Variants in EML4 observed in about 807,000 individuals in gnomAD.
EML4 encodes echinoderm microtubule-associated protein-like 4.
A neutral mutation model predicts 129.0 loss-of-function variants in EML4; 72 were observed. That is an observed-to-expected ratio of 0.56 (90% confidence interval 0.46 to 0.68). The LOEUF (loss-of-function observed/expected upper bound fraction) is 0.68, where lower values mean the gene tolerates loss of function less well. EML4 is among the 30% of genes least tolerant of loss of function. EML4 has a pLI of 0.00. For missense variants in EML4, 1,363 were observed against 1,190.6 expected (o/e 1.14, Z -2.13); for synonymous variants, 532 against 405.0 (o/e 1.31, Z -3.77).
At chr2:42,329,114 A>G (rs1006385282) in intron 22 of EML4, 98 bp downstream of exon 22, 6 of 1,246,904 alleles carry the variant, frequency 4.8e-6, no homozygotes, top group African/African-American at 1.5e-5. Flanking sequence ...ATTCCTCTCC[A>G]TGATACTCCA....
intron 1 of EML4, among the ~76,000 whole-genome samples, chr2:42,180,122 A>G (rs766576994): frequency 6.6e-5 from 10 of 152,312 alleles, no homozygotes; most frequent in Non-Finnish European, 1.5e-4. Context: ...AAATTGTATG[A>G]ACTTTGCATT....
chr2:42,177,681 A>G (rs6717854), intron 1 of EML4, among the ~76,000 whole-genome samples: 58,866 of 152,018 alleles, frequency 0.39, 12,059 homozygotes, highest in Middle Eastern at 0.56. Flanking sequence ...TTCACCTGAA[A>G]TAAGTGAAAT....
intron 16 of EML4, among the ~76,000 whole-genome samples, chr2:42,304,141 C>G (rs966533215): frequency 2.0e-5 from 3 of 152,134 alleles, no homozygotes; most frequent in Non-Finnish European, 4.4e-5. Flanking sequence ...TGTATTTTCT[C>G]TCTACCCAAC....
chr2:42,299,101 T>C (rs1420939063), intron 13 of EML4, among the ~76,000 whole-genome samples: 3 of 152,212 alleles, frequency 2.0e-5, no homozygotes, highest in Non-Finnish European at 4.4e-5. Flanking sequence ...ATGATAAATA[T>C]TGATGTAAGT....
At chr2:42,206,112 T>C (rs1178481690) in intron 1 of EML4, among the ~76,000 whole-genome samples, 2 of 152,242 alleles carry the variant, frequency 1.3e-5, no homozygotes, top group Non-Finnish European at 2.9e-5. Flanking sequence ...TACGACATTT[T>C]TAAATCTGTA....
At chr2:42,236,362 T>G (rs1374098471) in intron 1 of EML4, among the ~76,000 whole-genome samples, 1 of 152,248 alleles carries the variant, frequency 6.6e-6, no homozygotes, top group Non-Finnish European at 1.5e-5. Context: ...GTTTTTATGA[T>G]GAACTATGCT....
rs752025688 is a variant in EML4, at chr2:42,209,491, T to G, written c.26-36014T>G. 3.3e-5 allele frequency among the ~76,000 whole-genome samples: 5 copies of G among 152,354 alleles called. No individual in the cohort carries two copies. The East Asian group carries it at 9.6e-4, about 29-fold the overall frequency. ...TAATGTAACTAGTAGGTGGTGAAAC[T>G]TTGATCGGACCTTTGATTAAAAAGG... is the stretch of plus-strand genomic sequence containing the variant. On this transcript the variant is annotated intron_variant, in intron 1 of 22. Coordinates refer to ENST00000318522, the MANE Select transcript of EML4 (RefSeq NM_019063.5).
At chr2:42,292,805 C>G (rs968899514) in intron 11 of EML4, among the ~76,000 whole-genome samples, 5 of 152,118 alleles carry the variant, frequency 3.3e-5, no homozygotes, top group African/African-American at 1.2e-4. Flanking sequence ...TCCTGTAAGG[C>G]AATACTCATA....
intron 1 of EML4, among the ~76,000 whole-genome samples, chr2:42,234,824 T>G (rs942384269): frequency 2.6e-5 from 4 of 152,196 alleles, no homozygotes; most frequent in Non-Finnish European, 5.9e-5. Context: ...AAGCTTGACT[T>G]TTACTTTTGT....
At chr2:42,226,050 A>T (rs1258120444) in intron 1 of EML4, among the ~76,000 whole-genome samples, 4 of 152,050 alleles carry the variant, frequency 2.6e-5, no homozygotes, top group South Asian at 2.1e-4. Context: ...AAAATGTGTT[A>T]CTCATACCTT....
intron 19 of EML4, among the ~76,000 whole-genome samples, chr2:42,320,907 T>C (rs1669481884): frequency 6.6e-6 from 1 of 152,138 alleles, no homozygotes; most frequent in Non-Finnish European, 1.5e-5. Flanking sequence ...CAAGAAGTGC[T>C]GGTAAAAGTA....
chr2:42,305,071 G>T (rs1319971185), intron 17 of EML4, among the ~76,000 whole-genome samples: 1 of 152,034 alleles, frequency 6.6e-6, no homozygotes, highest in Non-Finnish European at 1.5e-5. Flanking sequence ...AGCCGAGATT[G>T]TGCCACTGCG....
chr2:42,303,490 C>G (rs779651950), intron 16 of EML4, 44 bp downstream of exon 16: 2 of 1,598,094 alleles, frequency 1.3e-6, no homozygotes, highest in Non-Finnish European at 1.7e-6. Context: ...CACAGAAACT[C>G]CTCACACTGG....
At chr2:42,189,595 A>T (rs964370178) in intron 1 of EML4, among the ~76,000 whole-genome samples, 1 of 152,164 alleles carries the variant, frequency 6.6e-6, no homozygotes, top group African/African-American at 2.4e-5. Flanking sequence ...AATGATAATA[A>T]AATTACTTTC....
At chr2:42,299,552 C>G (rs970441088) in intron 13 of EML4, among the ~76,000 whole-genome samples, 1 of 152,180 alleles carries the variant, frequency 6.6e-6, no homozygotes, top group Non-Finnish European at 1.5e-5. Flanking sequence ...TTTCTCCCTC[C>G]CCTCAGCCCC....
At chr2:42,288,489 A>G in intron 11 of EML4, 167 bp downstream of exon 11, 1 of 402,998 alleles carries the variant, frequency 2.5e-6, no homozygotes, top group Non-Finnish European at 4.5e-6. Flanking sequence ...AGATATTAAC[A>G]CTATAGTTAT....
rs571625714 is a variant in EML4, at chr2:42,228,560, A to G, written c.26-16945A>G. ...TTCAGAAGGTATAGCTTTGCTTGTA[A>G]TGTTTTATAGGCCTACATAGTGAGC... On this transcript the variant is annotated intron_variant, in intron 1 of 22. Transcript: ENST00000318522. Among the ~76,000 whole-genome samples, 9 of 152,338 alleles carry G rather than the reference A, an allele frequency of 5.9e-5. No individual in the cohort carries two copies. The East Asian group carries it at 9.6e-4, about 16-fold the overall frequency.
chr2:42,272,754 C>A (rs559015071), intron 6 of EML4, among the ~76,000 whole-genome samples: 1 of 152,148 alleles, frequency 6.6e-6, no homozygotes, highest in East Asian at 1.9e-4. Flanking sequence ...ACAATAAATA[C>A]GTATAAGATT....
rs187672858 is a variant in EML4, at chr2:42,266,490, G to A, written c.667+1759G>A. Among the ~76,000 whole-genome samples the A allele has an allele frequency of 3.1e-3, 473 of 152,090 alleles. 4 individuals carry two copies. Among genetic ancestry groups the A allele is most frequent in the African/African-American group, 9.4e-3 (391 of 41,484 alleles). On this transcript the variant is annotated intron_variant, in intron 6 of 22. Transcript: ENST00000318522. ...CTCCCAAGTAGCTGGGACTACAGGC[G>A]CGCACCACATACCTGGCTGATTTTT...
Sources: allele counts gnomAD v4.1 joint callset (sites outside exome capture counted in the v4.1 genomes callset), GRCh38; gene constraint gnomAD v4.1.1; transcripts MANE v1.5; gene names NCBI Gene and HGNC (gene_info 2026-07-23, HGNC 2026-07-21).